The following GUCY2C variants were observed in gnomAD, a reference collection of about 807,000 sequenced individuals.
GUCY2C encodes the protein guanylyl cyclase C.
A neutral mutation model predicts 131.1 loss-of-function variants in GUCY2C; 118 were observed. That is an observed-to-expected ratio of 0.90 (90% CI 0.78 to 1.05). GUCY2C has a LOEUF of 1.05. GUCY2C is among the 50% of genes least tolerant of loss of function. The pLI, the probability that GUCY2C is intolerant of heterozygous loss-of-function variation, is 0.00. For synonymous variants in GUCY2C, 452 were observed against 457.8 expected (o/e 0.99, Z 0.16); for missense variants, 1,161 against 1,304.4 (o/e 0.89, Z 1.69).
chr12:14,686,221 G>A lies in GUCY2C; in HGVS notation c.335C>T (p.Ala112Val). 4.4e-6 allele frequency: 7 copies of A among 1,601,186 alleles called. No individual in the cohort carries two copies. Among genetic ancestry groups the A allele is most frequent in the Non-Finnish European group, 6.0e-6 (7 of 1,168,296 alleles). Reference sequence around the variant, plus strand: ...TATGAGGACACAGCCCATCCGTTGTGCATTCTGTAGGAGAGAAAACAACAA... The same window carrying A: ...TATGAGGACACAGCCCATCCGTTGTACATTCTGTAGGAGAGAAAACAACAA... ...GLDLLRKISN[A>V]QRMGCVLIGP... Residue 112 changes from alanine (A) to valine (V), a missense_variant, in exon 3 of 27, where the codon GCA becomes GTA. Coordinates refer to ENST00000261170, the MANE Select transcript of GUCY2C (RefSeq NM_004963.4).
chr12:14,641,107 G>A lies in GUCY2C; in HGVS notation c.2043C>T (p.Tyr681=). ...CATTCCGGTCCCGACAGCTCAAAGT[G>A]TAGAAGGTTTCTTTCCGCAGGATGA... The part of the protein sequence containing the change: ...QEIILRKETF[Y]TLSCRDRNEK... Residue 681 remains tyrosine (Y), a synonymous_variant, in exon 18 of 27, where the codon TAC becomes TAT. Coordinates refer to ENST00000261170, the MANE Select transcript of GUCY2C (RefSeq NM_004963.4). 1 of 1,613,678 alleles carries A rather than the reference G, an allele frequency of 6.2e-7. No individual in the cohort carries two copies. The highest frequency in any genetic ancestry group is 8.5e-7 in the Non-Finnish European group (1 of 1,179,896).
rs1347549755 is a variant in GUCY2C, at chr12:14,672,909, G to T, written c.1134C>A (p.Thr378=). 4.4e-6 allele frequency: 7 copies of T among 1,608,266 alleles called. No individual in the cohort carries two copies. The highest frequency in any genetic ancestry group is 3.4e-6 in the Non-Finnish European group (4 of 1,174,722). The part of the protein sequence containing the change: ...TLDDWGDVDS[T]MVLLYTSVDT... ...CCACAGAGGTATACAGAAGCACCAT[G>T]GTACTGTCAACATCCCCCCAGTCAT... Residue 378 remains threonine, a synonymous_variant, in exon 9 of 27, where the codon ACC becomes ACA. Coordinates refer to ENST00000261170, the MANE Select transcript of GUCY2C (RefSeq NM_004963.4).
chr12:14,658,633 G>C (rs974410072), intron 11 of GUCY2C, among the ~76,000 whole-genome samples: 2 of 152,070 alleles, frequency 1.3e-5, no homozygotes, highest in African/African-American at 4.8e-5. Context: ...CCAAGATGGC[G>C]CCACTGCACT....
In GUCY2C at chr12:14,612,951, A is replaced by G; in HGVS notation, c.*166T>C. On this transcript the variant is annotated 3_prime_UTR_variant, in exon 27 of 27. Transcript: ENST00000261170. ...GGTAGTTATTTCACTGAGAACACACATCTGATTCATGCAAGAAAGTCCATG... is the reference window on the plus strand; with the variant it reads ...GGTAGTTATTTCACTGAGAACACACGTCTGATTCATGCAAGAAAGTCCATG... 3 of 609,408 alleles carry G rather than the reference A, an allele frequency of 4.9e-6. No homozygotes were observed. Among genetic ancestry groups the G allele is most frequent in the Non-Finnish European group, 8.8e-6 (3 of 339,290 alleles). The allele number at this position is 609,408 out of a possible 1,614,324, so 37.8% of individuals were successfully genotyped here.
chr12:14,635,301 A>G (rs1008526933), intron 19 of GUCY2C, among the ~76,000 whole-genome samples: 1 of 152,184 alleles, frequency 6.6e-6, no homozygotes, highest in Non-Finnish European at 1.5e-5. Context: ...AGAACTCAAT[A>G]CCAGGAGGAA....
intron 25 of GUCY2C, 121 bp downstream of exon 25, chr12:14,616,485 TCATTTCTCTTGCAGAGGATGGAGGGTG>T (rs1247097355): frequency 3.1e-6 from 2 of 646,598 alleles, no homozygotes; most frequent in African/African-American, 3.6e-5. Flanking sequence ...TTTTTGGTGG[TCATTTCTCTTGCAGAGGATGGAGGGTG>T]CTCATCGTGA....
In GUCY2C at chr12:14,684,766, T is replaced by C. The variant is rs1948438707; in HGVS notation, c.395+1395A>G. On this transcript the variant is annotated intron_variant, in intron 3 of 26. Transcript: ENST00000261170. ...ATCACTGGAGCCTTGACCTCCTCGGTTCAAGTGATCCTCCCATCTTGGCCT... is the reference window on the plus strand; with the variant it reads ...ATCACTGGAGCCTTGACCTCCTCGGCTCAAGTGATCCTCCCATCTTGGCCT... Among the ~76,000 whole-genome samples, 2 of 151,724 alleles carry C rather than the reference T, an allele frequency of 1.3e-5. 1 individual carries two copies. Among genetic ancestry groups the C allele is most frequent in the Admixed American group, 1.3e-4 (2 of 15,174 alleles).
At chr12:14,615,474 C>T (rs1162505899) in intron 25 of GUCY2C, among the ~76,000 whole-genome samples, 1 of 151,858 alleles carries the variant, frequency 6.6e-6, no homozygotes, top group African/African-American at 2.4e-5. Context: ...TGGAAATTTA[C>T]TGGAATACTG....
In GUCY2C at chr12:14,680,254, C is replaced by A. The variant is rs1269999206; in HGVS notation, c.734-501G>T. The stretch of plus-strand genomic sequence containing the variant: ...TCTGTAGCCTCTTAACTCAAAACTT[C>A]ATCTTAGTAACTCCAATGCCAGAGT... On this transcript the variant is annotated intron_variant, in intron 5 of 26. Coordinates refer to ENST00000261170, the MANE Select transcript of GUCY2C (RefSeq NM_004963.4). 2.0e-5 allele frequency among the ~76,000 whole-genome samples: 3 copies of A among 152,168 alleles called. No homozygotes were observed. The East Asian group carries it at 5.8e-4, about 29-fold the overall frequency.
At chr12:14,674,580 T>TA in intron 8 of GUCY2C, 45 bp downstream of exon 8, 1 of 1,593,132 alleles carries the variant, frequency 6.3e-7, no homozygotes, top group Non-Finnish European at 8.6e-7. Context: ...TCAGAAAGCC[T>TA]ACATTTCTTC....
intron 10 of GUCY2C, 147 bp from the exon 11 acceptor site, chr12:14,661,209 G>T: frequency 1.6e-6 from 1 of 606,292 alleles, no homozygotes. Context: ...GGTAATATAA[G>T]TCCTGTGTCC....
rs78565155 is a variant in GUCY2C at position 14,665,859 on chromosome 12, G to A, written c.1282+3863C>T. On this transcript the variant is annotated intron_variant, in intron 10 of 26. Transcript: ENST00000261170. ...ATCGTATTTCTATACTATTTCAAAG[G>A]TTGAGTTGCTGAAGCGGCTTCATTG... The A allele has an allele frequency of 2.6e-3, 395 of 152,322 alleles. 6 individuals are homozygous for A. The highest frequency in any genetic ancestry group is 9.1e-3 in the African/African-American group (378 of 41,562). 9.4% of individuals were successfully genotyped at this position (152,322 alleles called of 1,614,324 possible). A position where few individuals can be genotyped will look rare whatever the true frequency, so the allele number is the denominator to read the frequency against.
intron 21 of GUCY2C, 30 bp downstream of exon 21, chr12:14,625,727 C>T (rs760487858): frequency 6.2e-7 from 1 of 1,607,748 alleles, no homozygotes; most frequent in Non-Finnish European, 8.5e-7. Context: ...AGAGGGATTT[C>T]AGCCTCCACA....
chr12:14,628,993 G>C (rs1372805886), intron 19 of GUCY2C, among the ~76,000 whole-genome samples: 1 of 152,102 alleles, frequency 6.6e-6, no homozygotes, highest in South Asian at 2.1e-4. Context: ...GGTTGATACG[G>C]GAGACTAAGT....
At chr12:14,626,200 C>T (rs7304140) in intron 20 of GUCY2C, among the ~76,000 whole-genome samples, 8,183 of 151,936 alleles carry the variant, frequency 0.054, 726 homozygotes, top group African/African-American at 0.19. Context: ...ATTAGCCGGG[C>T]ATGGTGGCAC....
chr12:14,675,683 AT>A (rs1948217851), intron 7 of GUCY2C, among the ~76,000 whole-genome samples: 1 of 152,174 alleles, frequency 6.6e-6, no homozygotes, highest in Non-Finnish European at 1.5e-5. Flanking sequence ...CAGCTGGAGA[AT>A]GGTGACCTTC....
rs1223521253 is a variant in GUCY2C, at chr12:14,616,694, G to A, written c.2909C>T (p.Ala970Val). 1.2e-6 allele frequency: 2 copies of A among 1,608,794 alleles called. No homozygotes were observed. Among genetic ancestry groups the A allele is most frequent in the Non-Finnish European group, 8.5e-7 (1 of 1,175,384 alleles). The change falls in exon 25 of 27, where the codon GCC (alanine) becomes GTC (valine). Residue 970 changes from alanine to valine, a missense_variant. Coordinates refer to ENST00000261170, the MANE Select transcript of GUCY2C (RefSeq NM_004963.4). ...LRIHVSGSTI[A>V]ILKRTECQFL... ...CTGGCACTCAGTTCTCTTCAGGATG[G>A]CTATGGTGGAGCCACTCACGTGAAT...
intron 21 of GUCY2C, 84 bp downstream of exon 21, chr12:14,625,673 T>C: frequency 7.2e-7 from 1 of 1,386,882 alleles, no homozygotes; most frequent in South Asian, 1.3e-5. Context: ...GAAGAATATA[T>C]AAAAGGAAAC....
Position 14,683,135 on chromosome 12 carries a change from T to C in GUCY2C, c.518A>G (p.Asn173Ser). 1 of 1,613,388 alleles carries C rather than the reference T, an allele frequency of 6.2e-7. No homozygotes were observed. ...GGGCAGATCGTTGGTTTTCCAAAAGTTAACCAAGAAGTACATCAACTTTCT... is the reference window on the plus strand; with the variant it reads ...GGGCAGATCGTTGGTTTTCCAAAAGCTAACCAAGAAGTACATCAACTTTCT... ...PARKLMYFLVNFWKTNDLPFK... is the reference protein window; with the variant it reads ...PARKLMYFLVSFWKTNDLPFK... Residue 173 changes from asparagine (N) to serine (S), a missense_variant, in exon 4 of 27, where the codon AAC becomes AGC. By Grantham distance (46) the Asn-to-Ser change is conservative. Coordinates refer to ENST00000261170, the MANE Select transcript of GUCY2C (RefSeq NM_004963.4).
Sources: gnomAD v4.1 joint callset for allele counts (sites outside exome capture counted in the v4.1 genomes callset) on GRCh38, gnomAD v4.1.1 for gene constraint, MANE v1.5 for transcripts, NCBI Gene and HGNC (gene_info 2026-07-23, HGNC 2026-07-21) for gene names.